The following DUSP13B variants were observed in gnomAD, a reference collection of about 807,000 sequenced individuals.
DUSP13B encodes the protein dual specificity phosphatase 13B, also known as dual specificity protein phosphatase 13B.
At chr10:75,094,892 C>T in the DUSP13B span, 6 of 1,612,576 alleles carry the variant, frequency 3.7e-6, no homozygotes, top group African/African-American at 1.3e-5. Flanking sequence ...TAGGGAGAAC[C>T]AACTTAGCAT....
the DUSP13B span, among the ~76,000 whole-genome samples, chr10:75,105,405 A>T: frequency 6.6e-6 from 1 of 152,102 alleles, no homozygotes; most frequent in Non-Finnish European, 1.5e-5. Flanking sequence ...GGTCTGAAGG[A>T]TCCAGGTGGG....
At chr10:75,095,688 C>T in the DUSP13B span, 20 of 1,614,106 alleles carry the variant, frequency 1.2e-5, no homozygotes, top group Non-Finnish European at 1.7e-5. Context: ...CAGGGACATT[C>T]CACGGTAGAA....
the DUSP13B span, chr10:75,094,632 G>A: frequency 6.2e-7 from 1 of 1,600,918 alleles, no homozygotes; most frequent in South Asian, 1.1e-5. Context: ...GGGCCAGGCT[G>A]GTGGGGTTGG....
the DUSP13B span, among the ~76,000 whole-genome samples, chr10:75,107,171 G>C: frequency 6.6e-6 from 1 of 152,072 alleles, no homozygotes; most frequent in South Asian, 2.1e-4. Flanking sequence ...CCCTGTCTCT[G>C]CTAAAATACA....
the DUSP13B span, among the ~76,000 whole-genome samples, chr10:75,107,178 T>TA: frequency 4.6e-5 from 7 of 152,110 alleles, no homozygotes; most frequent in East Asian, 1.4e-3. Context: ...TCTGCTAAAA[T>TA]ACAAAAATTA....
At chr10:75,097,872 G>T in the DUSP13B span, 4 of 1,607,460 alleles carry the variant, frequency 2.5e-6, no homozygotes, top group Non-Finnish European at 2.6e-6. Flanking sequence ...TCCTGCTTCT[G>T]CAGTGAGTCC....
the DUSP13B span, chr10:75,097,753 G>T: frequency 1.2e-6 from 2 of 1,613,438 alleles, no homozygotes; most frequent in Admixed American, 1.7e-5. Flanking sequence ...CATCGATATG[G>T]TTCAGTGTGG....
the DUSP13B span, chr10:75,108,980 C>T: frequency 6.3e-7 from 1 of 1,580,042 alleles, no homozygotes; most frequent in Non-Finnish European, 8.6e-7. Flanking sequence ...CGTCCCCACC[C>T]CCATGCCCCT....
chr10:75,096,460 C>T, the DUSP13B span, among the ~76,000 whole-genome samples: 9 of 151,876 alleles, frequency 5.9e-5, no homozygotes, highest in Admixed American at 2.0e-4. Flanking sequence ...GCCAGTAGTC[C>T]CAGCTACTTG....
chr10:75,095,588 G>A, the DUSP13B span: 16 of 1,613,950 alleles, frequency 9.9e-6, no homozygotes, highest in African/African-American at 2.7e-5. Flanking sequence ...GGGGAACACT[G>A]AGGGCAGCTC....
the DUSP13B span, among the ~76,000 whole-genome samples, chr10:75,106,097 TTTTC>T: frequency 0.025 from 2,689 of 109,544 alleles, 28 homozygotes; most frequent in East Asian, 0.095. Context: ...CTTTTCTTTC[TTTTC>T]TTTTTTTTTT....
the DUSP13B span, among the ~76,000 whole-genome samples, chr10:75,107,638 A>G: frequency 6.6e-6 from 1 of 152,028 alleles, no homozygotes; most frequent in Non-Finnish European, 1.5e-5. Flanking sequence ...GTGAAGTGGC[A>G]TGATCTCGGC....
At chr10:75,108,950 G>A in the DUSP13B span, 11 of 1,537,552 alleles carry the variant, frequency 7.2e-6, no homozygotes, top group Admixed American at 7.6e-5. Flanking sequence ...CTGGTAAAGC[G>A]ACCAAGAACT....
the DUSP13B span, chr10:75,095,552 C>T: frequency 6.2e-7 from 1 of 1,607,140 alleles, no homozygotes; most frequent in African/African-American, 1.3e-5. Flanking sequence ...CCACCCTCCA[C>T]CATGCCTGAT....
At chr10:75,106,073 C>T in the DUSP13B span, among the ~76,000 whole-genome samples, 126 of 151,180 alleles carry the variant, frequency 8.3e-4, no homozygotes, top group African/African-American at 3.0e-3. Flanking sequence ...GGATAGGGTC[C>T]GAATTTCTTT....
the DUSP13B span, among the ~76,000 whole-genome samples, chr10:75,107,383 C>T: frequency 8.1e-4 from 123 of 151,592 alleles, no homozygotes; most frequent in Admixed American, 2.4e-3. Flanking sequence ...TACTTTGGGG[C>T]AGACATCTAG....
At chr10:75,108,253 G>T in the DUSP13B span, 2 of 1,549,674 alleles carry the variant, frequency 1.3e-6, no homozygotes, top group South Asian at 1.2e-5. Flanking sequence ...CAAGCCATGG[G>T]ACCAGGAGGG....
chr10:75,095,570 T>G, the DUSP13B span: 1 of 1,613,066 alleles, frequency 6.2e-7, no homozygotes. Flanking sequence ...GATCCAGAAG[T>G]GCACCTTGGG....
the DUSP13B span, chr10:75,101,876 T>C: frequency 5.9e-6 from 8 of 1,365,068 alleles, no homozygotes; most frequent in African/African-American, 1.2e-4. Context: ...CCTGTGGGAG[T>C]ATCTGGCCCA....
Sources: allele counts gnomAD v4.1 joint callset (sites outside exome capture counted in the v4.1 genomes callset), GRCh38; gene constraint gnomAD v4.1.1; transcripts MANE v1.5; gene names NCBI Gene and HGNC (gene_info 2026-07-23, HGNC 2026-07-21).